The following BEAN1 variants were observed in gnomAD, a reference collection of about 807,000 sequenced individuals.
BEAN1 encodes brain expressed associated with NEDD4 1, also known as protein BEAN1.
In BEAN1, 17 loss-of-function variants were observed where a neutral mutation model predicts 17.7. That is an observed-to-expected ratio of 0.96 (90% CI 0.66 to 1.44). The LOEUF is 1.44. Ranked by LOEUF, BEAN1 falls within the 40% of genes most tolerant of loss-of-function variation. The pLI is 0.00. For synonymous variants in BEAN1, 142 were observed against 151.8 expected, an observed-to-expected ratio of 0.94 and a Z score of 0.47; for missense variants, 359 against 374.1, an observed-to-expected ratio of 0.96 and a Z score of 0.33.
intron 3 of BEAN1, 124 bp from the exon 4 acceptor site, chr16:66,477,436 G>C: frequency 9.9e-7 from 1 of 1,012,134 alleles, no homozygotes; most frequent in South Asian, 2.0e-5. Flanking sequence ...AGCTGTGCTT[G>C]GTGAGGAGAG....
chr16:66,470,537 G>T (rs1298489165), intron 3 of BEAN1, among the ~76,000 whole-genome samples: 1 of 152,152 alleles, frequency 6.6e-6, no homozygotes, highest in African/African-American at 2.4e-5. Flanking sequence ...TGGGTTGATG[G>T]GGGTGAATAT....
chr16:66,477,211 T>G (rs975170927), intron 3 of BEAN1, among the ~76,000 whole-genome samples: 1 of 152,014 alleles, frequency 6.6e-6, no homozygotes, highest in Non-Finnish European at 1.5e-5. Flanking sequence ...CTCCCTGACT[T>G]CCAGACTGGT....
intron 3 of BEAN1, among the ~76,000 whole-genome samples, chr16:66,476,765 A>G (rs948137810): frequency 7.2e-5 from 11 of 152,324 alleles, no homozygotes; most frequent in Admixed American, 2.6e-4. Flanking sequence ...TTTCCTAAAC[A>G]GTGTTACTAG....
At chr16:66,488,900 G>C (rs1210046878) in intron 4 of BEAN1, among the ~76,000 whole-genome samples, 1 of 152,078 alleles carries the variant, frequency 6.6e-6, no homozygotes, top group African/African-American at 2.4e-5. Context: ...GGCCAGGCAA[G>C]GTGGCTCACA....
At chr16:66,483,949 G>C (rs1352763604), downstream of BEAN1, 1 of 153,774 alleles carries the variant, frequency 6.5e-6, no homozygotes, top group Non-Finnish European at 1.4e-5. Context: ...AACAAGTCAG[G>C]CCCTGAAGAA....
exon 5 of BEAN1, chr16:66,493,332 C>T (rs762955232): frequency 5.1e-5 from 35 of 688,686 alleles, no homozygotes; most frequent in South Asian, 4.4e-4. Context: ...GGGTCCGAGA[C>T]GGCCCTGGCA....
At position 66,481,054 on chromosome 16, in the gene BEAN1, A is replaced by ACTG; in HGVS notation, c.*130_*131insTGC. 1.4e-6 allele frequency: 1 copy of ACTG among 699,424 alleles called. No individual in the cohort carries two copies. The highest frequency in any genetic ancestry group is 2.2e-6 in the Non-Finnish European group (1 of 453,908). The allele number at this position is 699,424 out of a possible 1,614,324, so 43.3% of individuals were successfully genotyped here. A position where few individuals can be genotyped will look rare whatever the true frequency, so the allele number is the denominator to read the frequency against. ...ACACACACATAGACCAAACTTGTATACACACAGACATCTACACTGACATAC... is the reference window on the plus strand; with the variant it reads ...ACACACACATAGACCAAACTTGTATACTGCACACAGACATCTACACTGACATAC... On this transcript the variant is annotated 3_prime_UTR_variant, in exon 5 of 5. Transcript: ENST00000536005. This position sits in a 1 kb window ranked among gnomAD's most constrained non-coding sequence, Gnocchi z 4.1.
chr16:66,493,168 C>A, exon 5 of BEAN1: 1 of 702,974 alleles, frequency 1.4e-6, no homozygotes, highest in South Asian at 1.5e-5. Context: ...GAACCGCGGG[C>A]ACACGGATGC....
chr16:66,486,778 G>A (rs1181535848), downstream of BEAN1, among the ~76,000 whole-genome samples: 7 of 152,206 alleles, frequency 4.6e-5, no homozygotes, highest in Non-Finnish European at 1.0e-4. Flanking sequence ...CCTTGACAGG[G>A]ACAGGCCCTA....
chr16:66,464,717 CATATAA>C (rs1258276170), intron 2 of BEAN1, among the ~76,000 whole-genome samples: 4 of 152,120 alleles, frequency 2.6e-5, no homozygotes, highest in African/African-American at 4.8e-5. Flanking sequence ...TCATTGCTAC[CATATAA>C]ATATATTATT....
chr16:66,440,097 G>A (rs1480498171), intron 2 of BEAN1, among the ~76,000 whole-genome samples: 3 of 149,436 alleles, frequency 2.0e-5, no homozygotes, highest in Admixed American at 1.3e-4. Flanking sequence ...CCATTTCTCA[G>A]CTGCGTCTCA....
At chr16:66,452,621 A>T (rs1962714752) in intron 2 of BEAN1, among the ~76,000 whole-genome samples, 1 of 152,188 alleles carries the variant, frequency 6.6e-6, no homozygotes, top group Admixed American at 6.5e-5. Flanking sequence ...CTGTGGGGAG[A>T]CCAGGAATCT....
At chr16:66,483,153 A>G, downstream of BEAN1, 1 of 251,214 alleles carries the variant, frequency 4.0e-6, no homozygotes, top group Admixed American at 5.1e-5. Flanking sequence ...AACTTGTAAG[A>G]AAAGGAAACA....
rs1964019046 is a variant in BEAN1 at position 66,482,586 on chromosome 16, G to A, written c.*1661G>A. On this transcript the variant is annotated 3_prime_UTR_variant, in exon 5 of 5. Coordinates refer to ENST00000536005, the MANE Select transcript of BEAN1 (RefSeq NM_001178020.3). ...GCAAAAAATATCTGTCTGTTGTACT[G>A]TATAGCCTTTAAAATGCAGTCCAGG... 5.7e-6 allele frequency: 2 copies of A among 353,148 alleles called. No individual in the cohort carries two copies. The highest frequency in any genetic ancestry group is 1.1e-5 in the Non-Finnish European group (2 of 182,128). The allele number at this position is 353,148 out of a possible 1,614,324, so 21.9% of individuals were successfully genotyped here.
intron 1 of BEAN1, among the ~76,000 whole-genome samples, chr16:66,432,888 A>C (rs1395833931): frequency 6.6e-6 from 1 of 152,042 alleles, no homozygotes; most frequent in Non-Finnish European, 1.5e-5. Context: ...CCTCTCACCA[A>C]GGCTTTCTGC....
At chr16:66,457,825 C>G in intron 2 of BEAN1, among the ~76,000 whole-genome samples, 1 of 151,858 alleles carries the variant, frequency 6.6e-6, no homozygotes, top group East Asian at 1.9e-4. Context: ...CAGAAGTATC[C>G]AAACCAATGA....
chr16:66,484,505 G>A, downstream of BEAN1: 1 of 437,368 alleles, frequency 2.3e-6, no homozygotes, highest in South Asian at 1.6e-5. This position sits in a 1 kb window ranked among gnomAD's most constrained non-coding sequence, Gnocchi z 4.2. Context: ...GCCTGTCTGT[G>A]CCAGGGGCCA....
rs1963810528 is a variant in BEAN1 at position 66,477,692 on chromosome 16, AC to A, written c.425del (p.Pro142GlnfsTer30). 3 of 1,548,584 alleles carry A rather than the reference AC, an allele frequency of 1.9e-6. No homozygotes were observed. Among genetic ancestry groups the A allele is most frequent in the African/African-American group, 1.4e-5 (1 of 72,922 alleles). On this transcript the variant is annotated frameshift_variant, in exon 4 of 5. Coordinates refer to ENST00000536005, the MANE Select transcript of BEAN1 (RefSeq NM_001178020.3). LOFTEE classifies it low-confidence loss of function (END_TRUNC). The stretch of plus-strand genomic sequence containing the variant: ...GATGCCACGGTGCTCAGGGAGCTGT[AC>A]CCAGATTCTCCACCAGGGTAAGGAG... ...DVDATVLRELYPDSPPGYEEC... is the reference protein window; with the variant it reads ...DVDATVLRELXPDSPPGYEEC...
chr16:66,489,220 T>C (rs968357082), intron 4 of BEAN1, among the ~76,000 whole-genome samples: 1 of 152,248 alleles, frequency 6.6e-6, no homozygotes, highest in African/African-American at 2.4e-5. Flanking sequence ...CTTCTTCTTT[T>C]AAACCACTAA....
Sources: gnomAD v4.1 joint callset for allele counts (sites outside exome capture counted in the v4.1 genomes callset) on GRCh38, gnomAD v4.1.1 for gene constraint, Gnocchi (gnomAD v3.1) non-coding constraint, MANE v1.5 for transcripts, NCBI Gene and HGNC (gene_info 2026-07-23, HGNC 2026-07-21) for gene names.